Variants in STK24 observed in about 807,000 individuals in gnomAD.
STK24 encodes serine/threonine-protein kinase 24.
In STK24, 21 loss-of-function variants were observed where a neutral mutation model predicts 55.6. The observed-to-expected ratio is 0.38, with a 90% CI of 0.27 to 0.54. The LOEUF (loss-of-function observed/expected upper bound fraction) is 0.54, where lower values mean the gene tolerates loss of function less well. Among genes scored for constraint, STK24 ranks in the 20% least tolerant of loss-of-function variants. STK24 has a pLI of 0.79. For synonymous variants in STK24, 200 were observed against 215.2 expected (o/e 0.93, Z 0.62); for missense variants, 383 against 538.4 (o/e 0.71, Z 2.86).
chr13:98,570,087 C>G (rs1897700146), intron 1 of STK24, among the ~76,000 whole-genome samples: 1 of 152,054 alleles, frequency 6.6e-6, no homozygotes, highest in Non-Finnish European at 1.5e-5. Flanking sequence ...CCATGTTGGC[C>G]AGGCTGGTCT....
chr13:98,505,767 A>G (rs568156963), intron 2 of STK24, among the ~76,000 whole-genome samples: 1 of 152,364 alleles, frequency 6.6e-6, no homozygotes, highest in Admixed American at 6.5e-5. Flanking sequence ...ACAGCTAGCA[A>G]AAGTATTTAT....
chr13:98,524,940 G>A (rs1350840425), intron 1 of STK24, among the ~76,000 whole-genome samples: 1 of 152,228 alleles, frequency 6.6e-6, no homozygotes, highest in Non-Finnish European at 1.5e-5. Context: ...CAGAACCCCT[G>A]GCCTCTGTGT....
intron 2 of STK24, among the ~76,000 whole-genome samples, chr13:98,501,046 GA>G (rs1416926859): frequency 4.6e-5 from 7 of 151,804 alleles, no homozygotes; most frequent in African/African-American, 9.7e-5. Context: ...ATATAAGGGG[GA>G]AAAAAAGGGA....
At chr13:98,458,861 C>G (rs1177093706) in intron 9 of STK24, among the ~76,000 whole-genome samples, 1 of 152,188 alleles carries the variant, frequency 6.6e-6, no homozygotes, top group Admixed American at 6.5e-5. Context: ...GGATATAATC[C>G]TTCTACTGGG....
chr13:98,488,206 C>CA (rs1491378739), intron 2 of STK24, among the ~76,000 whole-genome samples: 3 of 148,722 alleles, frequency 2.0e-5, no homozygotes, highest in Non-Finnish European at 4.4e-5. Context: ...CACACACACA[C>CA]GGGAAGACCA....
chr13:98,526,334 A>G (rs1203019361), intron 1 of STK24, among the ~76,000 whole-genome samples: 2 of 151,982 alleles, frequency 1.3e-5, no homozygotes, highest in African/African-American at 4.8e-5. Context: ...GCCTAATAGG[A>G]GTGGATTTAT....
chr13:98,495,472 T>C (rs1288393665), intron 2 of STK24, among the ~76,000 whole-genome samples: 1 of 152,220 alleles, frequency 6.6e-6, no homozygotes, highest in East Asian at 1.9e-4. Context: ...GAACTAAAAA[T>C]GCCATTAATA....
chr13:98,548,375 T>A (rs538006767), intron 1 of STK24, among the ~76,000 whole-genome samples: 1 of 152,276 alleles, frequency 6.6e-6, no homozygotes, highest in African/African-American at 2.4e-5. Flanking sequence ...CAACTGCCAA[T>A]GCTACATAAA....
At chr13:98,559,161 C>T (rs993029525) in intron 1 of STK24, among the ~76,000 whole-genome samples, 8 of 151,832 alleles carry the variant, frequency 5.3e-5, no homozygotes, top group South Asian at 2.1e-4. Flanking sequence ...GCAACAAGAG[C>T]GAACTCCGTC....
intron 1 of STK24, among the ~76,000 whole-genome samples, chr13:98,535,298 T>C (rs1358842099): frequency 4.0e-5 from 6 of 150,392 alleles, no homozygotes; most frequent in African/African-American, 9.8e-5. Context: ...GATCACGCCA[T>C]TGCACTCCAG....
chr13:98,529,945 G>A (rs1896538171), intron 1 of STK24, among the ~76,000 whole-genome samples: 1 of 152,152 alleles, frequency 6.6e-6, no homozygotes, highest in Admixed American at 6.5e-5. Context: ...AAAATAGAAA[G>A]GGTCTACCTG....
At chr13:98,521,477 GA>G (rs1410361608) in intron 1 of STK24, among the ~76,000 whole-genome samples, 2 of 152,048 alleles carry the variant, frequency 1.3e-5, no homozygotes, top group Non-Finnish European at 2.9e-5. Flanking sequence ...ACTGTTTTTG[GA>G]GCTCGTGAGC....
At position 98,448,394 on chromosome 13, in the gene STK24, T is replaced by C. The variant is rs754739153; in HGVS notation, c.*4779A>G. Reference sequence around the variant, plus strand: ...TTTCTTCTGTATTAATGAAGCCTGGTAAAATTAACACCTGTCTGAAAATCA... The same window carrying C: ...TTTCTTCTGTATTAATGAAGCCTGGCAAAATTAACACCTGTCTGAAAATCA... On this transcript the variant is annotated 3_prime_UTR_variant, in exon 11 of 11. Coordinates refer to ENST00000539966, the MANE Select transcript of STK24 (RefSeq NM_001032296.4). 1.8e-6 allele frequency: 2 copies of C among 1,135,906 alleles called. No individual in the cohort carries two copies. The highest frequency in any genetic ancestry group is 1.2e-5 in the South Asian group (1 of 80,304). The allele number at this position is 1,135,906 out of a possible 1,614,324, so 70.4% of individuals were successfully genotyped here. A position where few individuals can be genotyped will look rare whatever the true frequency, so the allele number is the denominator to read the frequency against.
chr13:98,486,625 G>A (rs769392319), intron 2 of STK24, among the ~76,000 whole-genome samples: 2 of 152,162 alleles, frequency 1.3e-5, no homozygotes, highest in Admixed American at 6.5e-5. Flanking sequence ...ACTAGATGCC[G>A]GTGACACACC....
At chr13:98,565,834 C>T (rs1276877005) in intron 1 of STK24, among the ~76,000 whole-genome samples, 1 of 152,150 alleles carries the variant, frequency 6.6e-6, no homozygotes, top group African/African-American at 2.4e-5. Context: ...ATCTGAAAGT[C>T]CAAGTCACCG....
intron 3 of STK24, among the ~76,000 whole-genome samples, chr13:98,476,293 C>T (rs565038553): frequency 5.2e-4 from 78 of 149,880 alleles, no homozygotes; most frequent in Non-Finnish European, 9.8e-4. Flanking sequence ...AGTAATTCCA[C>T]AGATGACAGC....
intron 10 of STK24, 32 bp from the exon 11 acceptor site, chr13:98,453,241 C>T: frequency 6.2e-7 from 1 of 1,606,190 alleles, no homozygotes; most frequent in Non-Finnish European, 8.5e-7. Context: ...GAAGTCAACA[C>T]ATGTCATTTC....
At chr13:98,563,502 G>A (rs1897485244) in intron 1 of STK24, among the ~76,000 whole-genome samples, 1 of 152,178 alleles carries the variant, frequency 6.6e-6, no homozygotes, top group African/African-American at 2.4e-5. Flanking sequence ...TCTTCCTGAT[G>A]TGGTCAATCC....
At chr13:98,457,112 C>G in intron 10 of STK24, 56 bp downstream of exon 10, 1 of 1,583,216 alleles carries the variant, frequency 6.3e-7, no homozygotes, top group Non-Finnish European at 8.6e-7. Context: ...TCAACTAAGT[C>G]CCAGCCCAAG....
Sources: gnomAD v4.1 joint callset for allele counts (sites outside exome capture counted in the v4.1 genomes callset) on GRCh38, gnomAD v4.1.1 for gene constraint, MANE v1.5 for transcripts, NCBI Gene and HGNC (gene_info 2026-07-23, HGNC 2026-07-21) for gene names.